CATSPERD: variants seen among roughly 807,000 people sequenced by gnomAD.
CATSPERD encodes the protein cation channel sperm-associated auxiliary subunit delta.
In CATSPERD, 86 loss-of-function variants were observed where a neutral mutation model predicts 98.1. The ratio of observed to expected loss-of-function variants is 0.88; its 90% CI spans 0.74 to 1.05. The LOEUF (loss-of-function observed/expected upper bound fraction) is 1.05, where lower values mean the gene tolerates loss of function less well. CATSPERD is among the 50% of genes least tolerant of loss of function. The pLI is 0.00. For synonymous variants in CATSPERD, 394 were observed against 390.2 expected (o/e 1.01, Z -0.12); for missense variants, 995 against 1,005.7 (o/e 0.99, Z 0.14).
chr19:5,759,611 G>A lies in CATSPERD; in HGVS notation c.1427+467G>A, dbSNP rs148377649. Among the ~76,000 whole-genome samples the A allele has an allele frequency of 5.7e-3, 863 of 150,728 alleles. 10 individuals carry two copies. Among genetic ancestry groups the A allele is most frequent in the African/African-American group, 0.02 (826 of 41,012 alleles). On this transcript the variant is annotated intron_variant, in intron 15 of 21. Transcript: ENST00000381624. ...GCAAAAATAAGCCAAGTGTAGTGGCGGGCGCCTATAATCCCAGCTACTCAG... is the reference window on the plus strand; with the variant it reads ...GCAAAAATAAGCCAAGTGTAGTGGCAGGCGCCTATAATCCCAGCTACTCAG...
intron 7 of CATSPERD, 30 bp from the exon 8 acceptor site, chr19:5,744,397 C>G (rs1195372107): frequency 1.3e-6 from 2 of 1,551,082 alleles, no homozygotes; most frequent in South Asian, 2.2e-5. Context: ...AAGATTTATT[C>G]ATCTGAAGTC....
chr19:5,753,992 G>C (rs1334557696), intron 12 of CATSPERD, 140 bp from the exon 13 acceptor site: 2 of 648,306 alleles, frequency 3.1e-6, no homozygotes, highest in Non-Finnish European at 5.6e-6. Flanking sequence ...TGGAAATACA[G>C]AGTCTAGTGG....
intron 15 of CATSPERD, among the ~76,000 whole-genome samples, chr19:5,762,056 ATATTTTT>A (rs1568367015): frequency 1.4e-4 from 2 of 14,482 alleles, no homozygotes; most frequent in Admixed American, 8.1e-4. Context: ...ATATATATAT[ATATTTTT>A]TTTTTTTTTT....
At position 5,720,681 on chromosome 19, in the gene CATSPERD, G is replaced by C; in HGVS notation, c.-57G>C. The C allele has an allele frequency of 6.5e-7, 1 of 1,542,778 alleles. No individual in the cohort carries two copies. The highest frequency in any genetic ancestry group is 8.8e-7 in the Non-Finnish European group (1 of 1,130,680). On this transcript the variant is annotated 5_prime_UTR_variant, in exon 1 of 22. Coordinates refer to ENST00000381624, the MANE Select transcript of CATSPERD (RefSeq NM_152784.4). ...GCTTCAGCCTGCACGTACTCGGATT[G>C]TGCAGCGACTCCCCGTGGCGGTTGA...
In CATSPERD at chr19:5,778,713, T is replaced by TAA. The variant is rs1272085295; in HGVS notation, c.*39_*40dup. ...AGGGTCCCAACCCCTTGTCTTCAAA[T>TAA]AAAGTATAATGTAACATAGCAGGAA... On this transcript the variant is annotated 3_prime_UTR_variant, in exon 22 of 22. Transcript: ENST00000381624. 6.4e-7 allele frequency: 1 copy of TAA among 1,568,604 alleles called. No homozygotes were observed. The highest frequency in any genetic ancestry group is 8.6e-7 in the Non-Finnish European group (1 of 1,157,192).
intron 17 of CATSPERD, 137 bp from the exon 18 acceptor site, chr19:5,768,031 C>T (rs1052670238): frequency 1.7e-6 from 1 of 575,534 alleles, no homozygotes; most frequent in Non-Finnish European, 3.1e-6. Flanking sequence ...CTCCTGACCT[C>T]AGGTGATCCG....
chr19:5,721,147 T>C lies in CATSPERD; in HGVS notation c.71+339T>C, dbSNP rs536503393. 2.9e-3 allele frequency among the ~76,000 whole-genome samples: 443 copies of C among 151,784 alleles called. 1 individual carries two copies. Among genetic ancestry groups the C allele is most frequent in the Non-Finnish European group, 5.1e-3 (343 of 67,886 alleles). ...CTGAGTAGCTGGGACTACAGGCGCC[T>C]GCCACCACGCCCGGCTAATTTTTTT... On this transcript the variant is annotated intron_variant, in intron 1 of 21. Coordinates refer to ENST00000381624, the MANE Select transcript of CATSPERD (RefSeq NM_152784.4).
chr19:5,763,358 C>T (rs1445732448), intron 16 of CATSPERD, 65 bp downstream of exon 16: 1 of 1,365,496 alleles, frequency 7.3e-7, no homozygotes, highest in Non-Finnish European at 1.0e-6. Context: ...TGGAAGCTGG[C>T]CCTGAGGTTG....
chr19:5,731,137 C>T (rs1019392260), intron 4 of CATSPERD, among the ~76,000 whole-genome samples: 1 of 150,538 alleles, frequency 6.6e-6, no homozygotes, highest in African/African-American at 2.4e-5. Context: ...TAAACCAAAG[C>T]ACACCCTTAG....
chr19:5,772,837 C>A lies in CATSPERD; in HGVS notation c.1813C>A (p.Leu605Met). Residue 605 changes from leucine (L) to methionine (M), a missense_variant, in exon 20 of 22, where the codon CTG (leucine) becomes ATG (methionine). Transcript: ENST00000381624. ...QEVIDAEYVL[L>M]EVNGQFSYSY... is the part of the protein sequence containing the mutation. The stretch of plus-strand genomic sequence containing the variant: ...GGTCATCGACGCCGAGTATGTGTTA[C>A]TGGAGGTGAACGGGCAGTTCTCATA... 1.2e-6 allele frequency: 2 copies of A among 1,614,032 alleles called. No homozygotes were observed. The highest frequency in any genetic ancestry group is 8.5e-7 in the Non-Finnish European group (1 of 1,179,970).
At chr19:5,731,819 C>T (rs1642463301) in intron 4 of CATSPERD, among the ~76,000 whole-genome samples, 1 of 151,966 alleles carries the variant, frequency 6.6e-6, no homozygotes, top group African/African-American at 2.4e-5. Flanking sequence ...TCATGATCCA[C>T]CCGCCTCGGC....
In CATSPERD at chr19:5,751,636, T is replaced by A. The variant is rs375867321; in HGVS notation, c.988-11T>A. Reference sequence around the variant, plus strand: ...ACAATGATTAGATCTCAGGAATCATTTTCTTCTTAGTTTGCAGACCAATAC... The same window carrying A: ...ACAATGATTAGATCTCAGGAATCATATTCTTCTTAGTTTGCAGACCAATAC... On this transcript the variant is annotated splice_polypyrimidine_tract_variant and intron_variant, in intron 11 of 21. Coordinates refer to ENST00000381624, the MANE Select transcript of CATSPERD (RefSeq NM_152784.4). 2.5e-5 allele frequency: 37 copies of A among 1,504,066 alleles called. No individual in the cohort carries two copies. In the African/African-American group the frequency reaches 5.1e-4, roughly 21 times the overall value. 93.2% of individuals were successfully genotyped at this position (1,504,066 alleles called of 1,614,324 possible).
At chr19:5,721,296 C>A (rs549440559) in intron 1 of CATSPERD, among the ~76,000 whole-genome samples, 1 of 152,072 alleles carries the variant, frequency 6.6e-6, no homozygotes, top group Non-Finnish European at 1.5e-5. Context: ...GCCACCACGC[C>A]GGGCCTAGCC....
chr19:5,767,265 C>T (rs1367156229), intron 17 of CATSPERD, among the ~76,000 whole-genome samples: 2 of 126,094 alleles, frequency 1.6e-5, no homozygotes, highest in Non-Finnish European at 1.6e-5. Context: ...TGAAGTGAGC[C>T]GAGATCGTGC....
chr19:5,756,718 G>T (rs188162986), intron 13 of CATSPERD, among the ~76,000 whole-genome samples: 9 of 152,118 alleles, frequency 5.9e-5, no homozygotes, highest in Admixed American at 5.9e-4. Context: ...GCCGAGGTGG[G>T]GGGATTGCCT....
At chr19:5,747,491 C>A (rs1219451027) in intron 9 of CATSPERD, among the ~76,000 whole-genome samples, 1 of 151,852 alleles carries the variant, frequency 6.6e-6, no homozygotes, top group Non-Finnish European at 1.5e-5. Flanking sequence ...ATAGTGGTCA[C>A]CTGTATTAGA....
At chr19:5,748,078 G>C (rs986930348) in intron 9 of CATSPERD, 82 bp from the exon 10 acceptor site, 2 of 1,124,602 alleles carry the variant, frequency 1.8e-6, no homozygotes, top group African/African-American at 3.1e-5. Flanking sequence ...GTGGTGGCAG[G>C]GGTGGCTGTG....
At position 5,735,542 on chromosome 19, in the gene CATSPERD, G is replaced by A. The variant is rs537129849; in HGVS notation, c.391+1572G>A. ...GGATGGAGTGCAGTGGCACAATCTC[G>A]GCTCACTGCAACCTCCACCTCCCAG... On this transcript the variant is annotated intron_variant, in intron 5 of 21. Coordinates refer to ENST00000381624, the MANE Select transcript of CATSPERD (RefSeq NM_152784.4). Among the ~76,000 whole-genome samples, 27 of 147,136 alleles carry A rather than the reference G, an allele frequency of 1.8e-4. 1 individual carries two copies. Among genetic ancestry groups the A allele is most frequent in the Admixed American group, 1.0e-3 (15 of 14,620 alleles).
chr19:5,724,888 T>C (rs771763850), intron 2 of CATSPERD, 26 bp downstream of exon 2: 1 of 1,611,098 alleles, frequency 6.2e-7, no homozygotes, highest in Non-Finnish European at 8.5e-7. Context: ...CTTAAATTCA[T>C]CCTTCACTTT....
Sources: gnomAD v4.1 joint callset for allele counts (sites outside exome capture counted in the v4.1 genomes callset) on GRCh38, gnomAD v4.1.1 for gene constraint, MANE v1.5 for transcripts, NCBI Gene and HGNC (gene_info 2026-07-23, HGNC 2026-07-21) for gene names.